Variants in BLTP1 observed in about 807,000 individuals in gnomAD.
The protein encoded by BLTP1 is bridge-like lipid transfer protein family member 1.
the BLTP1 span, chr4:122,254,261 T>C: frequency 3.7e-6 from 6 of 1,613,250 alleles, no homozygotes; most frequent in Non-Finnish European, 5.1e-6. Context: ...TCCAGATTCA[T>C]GTAGCATGAA....
At chr4:122,240,218 A>C in the BLTP1 span, 1 of 1,614,170 alleles carries the variant, frequency 6.2e-7, no homozygotes, top group South Asian at 1.1e-5. Flanking sequence ...AGTTCCAGGT[A>C]ATTAATTGGT....
chr4:122,250,343 CTT>C, the BLTP1 span: 1 of 1,571,632 alleles, frequency 6.4e-7, no homozygotes, highest in Non-Finnish European at 8.7e-7. Context: ...ATAATAAATG[CTT>C]TTTTTTATTT....
chr4:122,160,817 T>C, the BLTP1 span, among the ~76,000 whole-genome samples: 2 of 152,220 alleles, frequency 1.3e-5, no homozygotes, highest in Non-Finnish European at 2.9e-5. Context: ...TTGGATCAAT[T>C]ACTTGGTGTT....
At chr4:122,295,770 G>A in the BLTP1 span, among the ~76,000 whole-genome samples, 1 of 152,134 alleles carries the variant, frequency 6.6e-6, no homozygotes, top group Admixed American at 6.5e-5. Flanking sequence ...TCATCCCCAG[G>A]ATGCAAGGTT....
the BLTP1 span, chr4:122,270,262 C>A: frequency 5.7e-6 from 3 of 530,510 alleles, no homozygotes; most frequent in Non-Finnish European, 7.2e-6. Context: ...AATATCAAAG[C>A]AGCTTCTGAT....
chr4:122,220,367 C>T, the BLTP1 span: 1 of 1,613,390 alleles, frequency 6.2e-7, no homozygotes. Context: ...TGCCCTACAG[C>T]TTTCTTGGAA....
At chr4:122,318,454 G>T in the BLTP1 span, among the ~76,000 whole-genome samples, 1 of 152,176 alleles carries the variant, frequency 6.6e-6, no homozygotes, top group Admixed American at 6.5e-5. Flanking sequence ...CTGAGACACA[G>T]GTCAAGTAAT....
chr4:122,265,899 G>A, the BLTP1 span, among the ~76,000 whole-genome samples: 7,595 of 152,158 alleles, frequency 0.05, 272 homozygotes, highest in Non-Finnish European at 0.075. Context: ...GGGTTTCACC[G>A]TGTTAGCCAG....
At chr4:122,220,196 T>G in the BLTP1 span, 114 of 948,004 alleles carry the variant, frequency 1.2e-4, no homozygotes, top group Non-Finnish European at 1.6e-4. Context: ...GAATAGTTAT[T>G]TTTCTCAGTA....
At chr4:122,296,847 T>C in the BLTP1 span, among the ~76,000 whole-genome samples, 2 of 152,208 alleles carry the variant, frequency 1.3e-5, no homozygotes, top group Non-Finnish European at 2.9e-5. Flanking sequence ...TAAATGGTGC[T>C]GAGAAAATTG....
the BLTP1 span, chr4:122,210,825 C>T: frequency 6.4e-7 from 1 of 1,571,686 alleles, no homozygotes; most frequent in East Asian, 2.3e-5. Context: ...TGAAGATCTT[C>T]CAAGAAGTCT....
At chr4:122,254,674 A>T in the BLTP1 span, 1 of 1,193,888 alleles carries the variant, frequency 8.4e-7, no homozygotes, top group Non-Finnish European at 1.1e-6. Context: ...TTCATAATTT[A>T]TCAGTGCTCA....
At chr4:122,281,208 A>G in the BLTP1 span, 2 of 578,800 alleles carry the variant, frequency 3.5e-6, no homozygotes, top group Non-Finnish European at 2.2e-6. Context: ...TGTCAATAAT[A>G]TCAGTAGTAG....
chr4:122,310,902 A>G, the BLTP1 span: 54 of 929,324 alleles, frequency 5.8e-5, no homozygotes, highest in Non-Finnish European at 6.3e-5. Context: ...ACTCATGCCT[A>G]TTATCCAAAA....
the BLTP1 span, chr4:122,200,695 G>T: frequency 1.0e-6 from 1 of 984,890 alleles, no homozygotes; most frequent in Non-Finnish European, 1.2e-6. Context: ...TAACAGATGA[G>T]GCTTAAGGAG....
the BLTP1 span, chr4:122,277,836 T>C: frequency 1.7e-6 from 1 of 585,826 alleles, no homozygotes; most frequent in Non-Finnish European, 2.1e-6. Flanking sequence ...ATTTAATGTC[T>C]GTATAGTGGT....
At chr4:122,316,990 CAG>C in the BLTP1 span, 1 of 587,120 alleles carries the variant, frequency 1.7e-6, no homozygotes, top group Non-Finnish European at 2.8e-6. Flanking sequence ...CACCAGGGTC[CAG>C]AGTTGTTTAA....
the BLTP1 span, chr4:122,214,160 A>AT: frequency 9.0e-3 from 7,296 of 814,240 alleles, 1 homozygote; most frequent in Non-Finnish European, 9.8e-3. Flanking sequence ...GCCTATTGTT[A>AT]TTTTTTTTTT....
chr4:122,305,416 A>G, the BLTP1 span: 2 of 953,754 alleles, frequency 2.1e-6, no homozygotes, highest in Non-Finnish European at 2.5e-6. Flanking sequence ...GAATGTTCAC[A>G]GCTTATTGGA....
Sources: allele counts gnomAD v4.1 joint callset (sites outside exome capture counted in the v4.1 genomes callset), GRCh38; gene constraint gnomAD v4.1.1; transcripts MANE v1.5; gene names NCBI Gene and HGNC (gene_info 2026-07-23, HGNC 2026-07-21).